KIAA1191: variants seen among roughly 807,000 people sequenced by gnomAD.
KIAA1191 encodes KIAA1191, also known as putative monooxygenase p33MONOX.
In KIAA1191, 22 loss-of-function variants were observed where a neutral mutation model predicts 31.1. That is an observed-to-expected ratio of 0.71 (90% CI 0.51 to 1.01). KIAA1191 has a LOEUF of 1.01. KIAA1191 is among the 50% of genes least tolerant of loss of function. The probability of loss-of-function intolerance (pLI) is 0.00; values close to 1 mark genes in which losing one functional copy is unlikely to be tolerated. For synonymous variants in KIAA1191, 130 were observed against 143.9 expected (o/e 0.90, Z 0.69); for missense variants, 319 against 388.0 (o/e 0.82, Z 1.49).
At chr5:176,352,527 G>A (rs1006168013) in intron 5 of KIAA1191, 95 bp downstream of exon 5, 15 of 1,401,288 alleles carry the variant, frequency 1.1e-5, no homozygotes, top group South Asian at 7.9e-5. Context: ...AAGGTAAGGC[G>A]AGCGTGTTGC....
At chr5:176,349,619 G>C (rs554166055) in intron 6 of KIAA1191, among the ~76,000 whole-genome samples, 7 of 152,188 alleles carry the variant, frequency 4.6e-5, no homozygotes, top group Non-Finnish European at 8.8e-5. Flanking sequence ...GTTGCAGTGA[G>C]CCGAGATCAC....
At chr5:176,348,942 G>C (rs2113459668) in intron 6 of KIAA1191, 1 of 153,152 alleles carries the variant, frequency 6.5e-6, no homozygotes, top group East Asian at 1.9e-4. Context: ...CTACATCTCA[G>C]CTCTTCTAGA....
At position 176,355,700 on chromosome 5, in the gene KIAA1191, T is replaced by C; in HGVS notation, c.78A>G (p.Ile26Met). 2 of 1,613,844 alleles carry C rather than the reference T, an allele frequency of 1.2e-6. No homozygotes were observed. Among genetic ancestry groups the C allele is most frequent in the Non-Finnish European group, 1.7e-6 (2 of 1,180,036 alleles). Residue 26 changes from isoleucine (I) to methionine (M), a missense_variant, in exon 4 of 9, where the codon ATA becomes ATG. Physicochemically the swap from Ile to Met is conservative, Grantham distance 10 (BLOSUM62 1). Transcript: ENST00000298569. This position sits in a 1 kb window ranked among gnomAD's most constrained non-coding sequence, Gnocchi z 4.2. ...PLGKMSLPIGIYRRAVSYDDT... is the reference protein window; with the variant it reads ...PLGKMSLPIGMYRRAVSYDDT... ...CATCATAGCTGACTGCCCGGCGGTA[T>C]ATCCCGATGGGCAGGGACATCTTGC...
In KIAA1191 at chr5:176,355,585, G is replaced by C. The variant is rs770046923; in HGVS notation, c.193C>G (p.Gln65Glu). 2.5e-6 allele frequency: 4 copies of C among 1,609,720 alleles called. No individual in the cohort carries two copies. Among genetic ancestry groups the C allele is most frequent in the Non-Finnish European group, 3.4e-6 (4 of 1,178,062 alleles). Residue 65 changes from glutamine (Q) to glutamate (E), a missense_variant, in exon 4 of 9, where the codon CAG (glutamine) becomes GAG (glutamate). By Grantham distance (29) the Gln-to-Glu change is conservative. Transcript: ENST00000298569. This position sits in a 1 kb window ranked among gnomAD's most constrained non-coding sequence, Gnocchi z 4.2. Reference protein sequence around the residue: ...WKPVIPERKYQHLAKVEEGEA... With the variant: ...WKPVIPERKYEHLAKVEEGEA... ...GGGTCAGATACCTTGGCGAGGTGCT[G>C]ATACTTGCGCTCTGGAATCACTGGC...
At chr5:176,359,263 G>A (rs1377106085) in intron 3 of KIAA1191, among the ~76,000 whole-genome samples, 4 of 152,014 alleles carry the variant, frequency 2.6e-5, no homozygotes, top group African/African-American at 4.8e-5. Flanking sequence ...AGGTAGCAGT[G>A]AGCCGAGATT....
chr5:176,349,236 T>C (rs1294196702), intron 6 of KIAA1191, among the ~76,000 whole-genome samples: 2 of 152,178 alleles, frequency 1.3e-5, no homozygotes, highest in Non-Finnish European at 2.9e-5. Flanking sequence ...TCCTGGAAAG[T>C]TCTCAGTTAA....
In KIAA1191 at chr5:176,346,452, C is replaced by T. The variant is rs1263113026; in HGVS notation, c.*1148G>A. On this transcript the variant is annotated 3_prime_UTR_variant, in exon 9 of 9. Transcript: ENST00000298569. ...AAGTAAGTTAACACCACTGGCTTCA[C>T]ATGAACCTCAAGACTATAATCTAAC... is the stretch of plus-strand genomic sequence containing the variant. 2 of 152,276 alleles carry T rather than the reference C, an allele frequency of 1.3e-5. No homozygotes were observed. Among genetic ancestry groups the T allele is most frequent in the South Asian group, 2.1e-4 (1 of 4,836 alleles). The allele number at this position is 152,276 out of a possible 1,614,324, so 9.4% of individuals were successfully genotyped here.
At position 176,350,614 on chromosome 5, in the gene KIAA1191, T is replaced by C. The variant is rs35918550; in HGVS notation, c.458A>G (p.His153Arg). The stretch of plus-strand genomic sequence containing the variant: ...TTTTCAAAGTTCCTAAGAGCTTACG[T>C]GGAGTGCTTCGGCCACTCGAAGGTA... ...TKYLRVAEAL[H>R]KLKLQSGEVT... Residue 153 changes from histidine (H) to arginine (R), a missense_variant and splice_region_variant, in exon 6 of 9, where the codon CAC becomes CGC. Physicochemically the swap from His to Arg is conservative, Grantham distance 29 (BLOSUM62 0). Coordinates refer to ENST00000298569, the MANE Select transcript of KIAA1191 (RefSeq NM_020444.5). 1 of 1,613,472 alleles carries C rather than the reference T, an allele frequency of 6.2e-7. No individual in the cohort carries two copies. Among genetic ancestry groups the C allele is most frequent in the African/African-American group, 1.3e-5 (1 of 74,874 alleles).
chr5:176,356,379 G>A (rs905732567), intron 3 of KIAA1191, among the ~76,000 whole-genome samples: 1 of 152,186 alleles, frequency 6.6e-6, no homozygotes, highest in Non-Finnish European at 1.5e-5. Context: ...TAGGGGTAAA[G>A]TGACCTTCCC....
At chr5:176,357,577 C>T (rs1767618658) in intron 3 of KIAA1191, among the ~76,000 whole-genome samples, 1 of 152,196 alleles carries the variant, frequency 6.6e-6, no homozygotes, top group East Asian at 1.9e-4. Context: ...TGCCCAATAT[C>T]ACCTAGCTTG....
intron 6 of KIAA1191, among the ~76,000 whole-genome samples, chr5:176,350,004 CTT>C (rs1766848096): frequency 6.6e-6 from 1 of 152,210 alleles, no homozygotes; most frequent in African/African-American, 2.4e-5. Context: ...CATCAGGAGA[CTT>C]GGGTTCGGGT....
At chr5:176,350,464 G>C (rs1766890281) in intron 6 of KIAA1191, 149 bp downstream of exon 6, 1 of 930,186 alleles carries the variant, frequency 1.1e-6, no homozygotes, top group Non-Finnish European at 1.6e-6. Flanking sequence ...CTGTATAGGT[G>C]GATAAGCAAA....
chr5:176,355,962 G>C lies in KIAA1191; in HGVS notation c.29-213C>G. 1 of 578,088 alleles carries C rather than the reference G, an allele frequency of 1.7e-6. No individual in the cohort carries two copies. The highest frequency in any genetic ancestry group is 3.1e-6 in the Non-Finnish European group (1 of 326,212). The allele number at this position is 578,088 out of a possible 1,614,324, so 35.8% of individuals were successfully genotyped here. On this transcript the variant is annotated intron_variant, in intron 3 of 8. Transcript: ENST00000298569. This position sits in a 1 kb window ranked among gnomAD's most constrained non-coding sequence, Gnocchi z 4.2. ...TTGGGTGGTCCACTTAACCCACTCA[G>C]CCGTCCTAATCCTTTTTTTTTATTA...
chr5:176,351,197 T>A (rs2003207), intron 5 of KIAA1191, among the ~76,000 whole-genome samples: 2 of 151,472 alleles, frequency 1.3e-5, no homozygotes, highest in Non-Finnish European at 2.9e-5. Flanking sequence ...AAAAATTAGC[T>A]GGGTGTGGTG....
intron 6 of KIAA1191, among the ~76,000 whole-genome samples, chr5:176,349,700 C>T (rs1469249476): frequency 6.6e-6 from 1 of 152,164 alleles, no homozygotes; most frequent in African/African-American, 2.4e-5. Context: ...TATCCCCACC[C>T]ACAGGCCACC....
chr5:176,357,865 G>A (rs1767640535), intron 3 of KIAA1191, among the ~76,000 whole-genome samples: 1 of 152,002 alleles, frequency 6.6e-6, no homozygotes, highest in Non-Finnish European at 1.5e-5. Context: ...AACAAATAAA[G>A]TCAGCTAGTA....
rs147021829 is a variant in KIAA1191, at chr5:176,355,621, C to T, written c.157G>A (p.Val53Ile). Residue 53 changes from valine to isoleucine, a missense_variant, in exon 4 of 9, where the codon GTC becomes ATC. Transcript: ENST00000298569. The surrounding 1 kb of genome is among the most constrained non-coding windows in gnomAD (Gnocchi z 4.2). The stretch of plus-strand genomic sequence containing the variant: ...TCTGGAATCACTGGCTTCCAAGGGA[C>T]GCTGCCCATGTCCGATGGAGGAGGA... Reference protein sequence around the residue: ...MTPPPSDMGSVPWKPVIPERK... With the variant: ...MTPPPSDMGSIPWKPVIPERK... 2.4e-5 allele frequency: 38 copies of T among 1,612,150 alleles called. No individual in the cohort carries two copies. The highest frequency in any genetic ancestry group is 2.1e-4 in the Middle Eastern group (1 of 4,782).
intron 8 of KIAA1191, 53 bp from the exon 9 acceptor site, chr5:176,347,861 G>A (rs1468970595): frequency 1.3e-5 from 21 of 1,610,092 alleles, no homozygotes; most frequent in African/African-American, 2.7e-5. Flanking sequence ...AACAGCTCCC[G>A]GTATACAATA....
At chr5:176,348,169 C>T in intron 7 of KIAA1191, 81 bp downstream of exon 7, 1 of 1,594,674 alleles carries the variant, frequency 6.3e-7, no homozygotes, top group Non-Finnish European at 8.6e-7. Context: ...TCTGAAACCA[C>T]AGGCTTAAAT....
Sources: allele counts gnomAD v4.1 joint callset (sites outside exome capture counted in the v4.1 genomes callset), GRCh38; gene constraint gnomAD v4.1.1; non-coding constraint Gnocchi (gnomAD v3.1); transcripts MANE v1.5; gene names NCBI Gene and HGNC (gene_info 2026-07-23, HGNC 2026-07-21).